Variants in NT5C3A observed in about 807,000 individuals in gnomAD.
NT5C3A encodes the protein cytosolic 5'-nucleotidase 3A.
A neutral mutation model predicts 40.0 loss-of-function variants in NT5C3A; 23 were observed. The observed-to-expected ratio is 0.58, with a 90% CI of 0.41 to 0.81. The LOEUF is 0.81. Ranked by LOEUF, NT5C3A falls within the 40% of genes least tolerant of loss-of-function variation. The pLI is 0.00. For missense variants in NT5C3A, 328 were observed against 403.0 expected, an observed-to-expected ratio of 0.81 and a Z score of 1.59; for synonymous variants, 130 against 141.4, an observed-to-expected ratio of 0.92 and a Z score of 0.57.
chr7:33,034,334 C>T (rs1786462588), intron 1 of NT5C3A, among the ~76,000 whole-genome samples: 1 of 152,150 alleles, frequency 6.6e-6, no homozygotes, highest in African/African-American at 2.4e-5. Flanking sequence ...CTTGCCTCCA[C>T]AAACACCTTC....
chr7:33,054,912 T>C (rs1236770507), intron 1 of NT5C3A, among the ~76,000 whole-genome samples: 2 of 152,172 alleles, frequency 1.3e-5, no homozygotes, highest in Non-Finnish European at 2.9e-5. Flanking sequence ...TGACACATAA[T>C]TGGGAGATTA....
chr7:33,050,855 G>C (rs1195363282), intron 1 of NT5C3A, among the ~76,000 whole-genome samples: 2 of 152,174 alleles, frequency 1.3e-5, no homozygotes, highest in Non-Finnish European at 2.9e-5. Flanking sequence ...ATAAAAGTGC[G>C]TAACACAAGA....
chr7:33,027,154 C>T (rs1261099015), intron 1 of NT5C3A: 3 of 412,824 alleles, frequency 7.3e-6, no homozygotes, highest in Non-Finnish European at 1.3e-5. Flanking sequence ...ACCGTAGCCT[C>T]AAACTCCTGG....
At chr7:33,014,901 C>A in intron 8 of NT5C3A, 70 bp from the exon 9 acceptor site, 2 of 1,313,674 alleles carry the variant, frequency 1.5e-6, no homozygotes, top group South Asian at 1.2e-5. Flanking sequence ...GTATGAATCT[C>A]GTTGTTAGAT....
At chr7:33,039,565 T>TTTTTTTG (rs1554292229) in intron 1 of NT5C3A, among the ~76,000 whole-genome samples, 9 of 144,314 alleles carry the variant, frequency 6.2e-5, no homozygotes, top group Non-Finnish European at 1.2e-4. Context: ...GTTTTTTGTT[T>TTTTTTTG]TTTTTTTTTT....
intron 1 of NT5C3A, among the ~76,000 whole-genome samples, chr7:33,032,208 G>C (rs559710999): frequency 6.6e-6 from 1 of 152,088 alleles, no homozygotes; most frequent in East Asian, 2.0e-4. Flanking sequence ...CAGATCACCA[G>C]AGGTCGGGAG....
At chr7:33,024,702 G>T (rs1785821981) in intron 2 of NT5C3A, among the ~76,000 whole-genome samples, 1 of 152,116 alleles carries the variant, frequency 6.6e-6, no homozygotes, top group South Asian at 2.1e-4. Flanking sequence ...AAAAGATTTA[G>T]AATGTTCCCA....
chr7:33,052,707 T>G (rs1787418589), intron 1 of NT5C3A, among the ~76,000 whole-genome samples: 1 of 152,166 alleles, frequency 6.6e-6, no homozygotes. Context: ...CCTGGAAGTT[T>G]TGTTACACAT....
chr7:33,029,654 T>G (rs1248833154), intron 1 of NT5C3A: 1 of 1,290,108 alleles, frequency 7.8e-7, no homozygotes, highest in Non-Finnish European at 1.0e-6. Context: ...GCTTCAAGTT[T>G]TTGATAACGG....
In NT5C3A at chr7:33,059,338, T is replaced by C. The variant is rs117558237; in HGVS notation, c.138+3230A>G. ...TTAACTATTTCATGAACATTTCTAG[T>C]TGGTCATTCCTTGATCATCTCAAAT... On this transcript the variant is annotated intron_variant, in intron 1 of 8. Transcript: ENST00000610140. 6.5e-3 allele frequency among the ~76,000 whole-genome samples: 990 copies of C among 152,368 alleles called. 6 individuals are homozygous for C. Among genetic ancestry groups the C allele is most frequent in the Non-Finnish European group, 0.011 (777 of 68,036 alleles).
intron 2 of NT5C3A, among the ~76,000 whole-genome samples, chr7:33,025,076 T>C (rs1785844371): frequency 6.6e-6 from 1 of 152,072 alleles, no homozygotes; most frequent in Admixed American, 6.6e-5. Context: ...GAGGCGCAGG[T>C]TGCAGTGAGC....
chr7:33,023,694 G>T, intron 3 of NT5C3A: 1 of 221,706 alleles, frequency 4.5e-6, no homozygotes, highest in African/African-American at 2.3e-5. Flanking sequence ...ATTAAAATTT[G>T]GTAAAATTCC....
intron 1 of NT5C3A, among the ~76,000 whole-genome samples, chr7:33,053,171 A>G (rs960503327): frequency 1.3e-5 from 2 of 152,162 alleles, no homozygotes; most frequent in Non-Finnish European, 2.9e-5. Flanking sequence ...GCAACATAAC[A>G]AGACACTGTC....
In NT5C3A at chr7:33,049,003, T is replaced by C. The variant is rs568534457; in HGVS notation, c.138+13565A>G. Among the ~76,000 whole-genome samples the C allele has an allele frequency of 1.0e-3, 152 of 152,318 alleles. 1 individual carries two copies. The highest frequency in any genetic ancestry group is 1.9e-3 in the Non-Finnish European group (126 of 68,022). Reference sequence around the variant, plus strand: ...AGCTTTATTAACAGAAGGGAGAAGATAGGACAATATGTATTGAATAACTAC... The same window carrying C: ...AGCTTTATTAACAGAAGGGAGAAGACAGGACAATATGTATTGAATAACTAC... On this transcript the variant is annotated intron_variant, in intron 1 of 8. Transcript: ENST00000610140.
chr7:33,049,914 G>C (rs568094890), intron 1 of NT5C3A, among the ~76,000 whole-genome samples: 59 of 144,256 alleles, frequency 4.1e-4, no homozygotes, highest in African/African-American at 1.5e-3. Context: ...AGCTTGCAGT[G>C]AGCCAAGATC....
At chr7:33,021,747 G>T in intron 4 of NT5C3A, 1 of 423,772 alleles carries the variant, frequency 2.4e-6, no homozygotes, top group South Asian at 2.7e-5. Context: ...AAAACCTATA[G>T]AAAACTGAAG....
Position 33,017,380 on chromosome 7 carries a change from T to A in NT5C3A, c.693+59A>T, listed in dbSNP as rs764460449. On this transcript the variant is annotated intron_variant, in intron 7 of 8. Coordinates refer to ENST00000610140, the MANE Select transcript of NT5C3A (RefSeq NM_001002010.5). ...ATATATTAAGTAACAATAAATAAAT[T>A]TACATGATTAAAATATTTTCAGATT... 7 of 1,349,244 alleles carry A rather than the reference T, an allele frequency of 5.2e-6. No homozygotes were observed. The South Asian group carries it at 8.7e-5, about 17-fold the overall frequency. The allele number at this position is 1,349,244 out of a possible 1,614,324, so 83.6% of individuals were successfully genotyped here. A position where few individuals can be genotyped will look rare whatever the true frequency, so the allele number is the denominator to read the frequency against.
chr7:33,052,918 G>A (rs1001650263), intron 1 of NT5C3A, among the ~76,000 whole-genome samples: 1 of 152,176 alleles, frequency 6.6e-6, no homozygotes, highest in Non-Finnish European at 1.5e-5. Flanking sequence ...GCCATGGTCT[G>A]GGACCACTCT....
intron 1 of NT5C3A, among the ~76,000 whole-genome samples, chr7:33,038,435 T>G (rs1427745320): frequency 2.0e-5 from 3 of 151,952 alleles, no homozygotes; most frequent in African/African-American, 4.8e-5. Flanking sequence ...ATGATCATCT[T>G]TCTCATGGTC....
Sources: gnomAD v4.1 joint callset for allele counts (sites outside exome capture counted in the v4.1 genomes callset) on GRCh38, gnomAD v4.1.1 for gene constraint, MANE v1.5 for transcripts, NCBI Gene and HGNC (gene_info 2026-07-23, HGNC 2026-07-21) for gene names.